FAM53B: variants seen among roughly 807,000 people sequenced by gnomAD.
The protein encoded by FAM53B is family with sequence similarity 53 member B.
A neutral mutation model predicts 32.7 loss-of-function variants in FAM53B; 12 were observed. The ratio of observed to expected loss-of-function variants is 0.37; its 90% CI spans 0.24 to 0.59. The LOEUF (loss-of-function observed/expected upper bound fraction) is 0.59, where lower values mean the gene tolerates loss of function less well. FAM53B is among the 20% of genes least tolerant of loss of function. The pLI, the probability that FAM53B is intolerant of heterozygous loss-of-function variation, is 0.72. For missense variants in FAM53B, 477 were observed against 577.7 expected (o/e 0.83, Z 1.79); for synonymous variants, 234 against 228.7 (o/e 1.02, Z -0.21).
At chr10:124,669,094 T>A (rs913907818) in intron 4 of FAM53B, among the ~76,000 whole-genome samples, 3 of 151,408 alleles carry the variant, frequency 2.0e-5, no homozygotes, top group Non-Finnish European at 4.4e-5. Context: ...TTTTGGGGGG[T>A]GTAGGGGGTA....
At chr10:124,719,885 G>A (rs1251150839) in intron 1 of FAM53B, among the ~76,000 whole-genome samples, 3 of 152,284 alleles carry the variant, frequency 2.0e-5, no homozygotes, top group Middle Eastern at 3.4e-3. Context: ...CAACACGGCC[G>A]GGCACAGTGG....
At chr10:124,730,235 GA>G (rs2134100993) in intron 1 of FAM53B, among the ~76,000 whole-genome samples, 1 of 152,310 alleles carries the variant, frequency 6.6e-6, no homozygotes, top group African/African-American at 2.4e-5. Flanking sequence ...AAATGGCCCA[GA>G]ACAGAACAGG....
intron 4 of FAM53B, among the ~76,000 whole-genome samples, chr10:124,661,372 C>G (rs759385169): frequency 2.6e-5 from 4 of 152,162 alleles, no homozygotes; most frequent in Non-Finnish European, 4.4e-5. Flanking sequence ...TGAGAGAGGC[C>G]CAGGAGCAGA....
At chr10:124,732,901 T>C (rs574476177) in intron 1 of FAM53B, among the ~76,000 whole-genome samples, 8 of 152,216 alleles carry the variant, frequency 5.3e-5, no homozygotes, top group Admixed American at 4.6e-4. Flanking sequence ...TCACGTACTC[T>C]CCTGAGCCCA....
At chr10:124,648,025 G>C (rs992892632) in intron 4 of FAM53B, among the ~76,000 whole-genome samples, 1 of 152,204 alleles carries the variant, frequency 6.6e-6, no homozygotes, top group Non-Finnish European at 1.5e-5. Context: ...GACGCCATGG[G>C]GCTGGCTGAG....
At chr10:124,717,837 G>C (rs1254377008) in intron 1 of FAM53B, among the ~76,000 whole-genome samples, 3 of 152,146 alleles carry the variant, frequency 2.0e-5, no homozygotes, top group Non-Finnish European at 4.4e-5. Context: ...TCATCTTCTA[G>C]GACAACTCTC....
chr10:124,649,524 C>T (rs7075794), intron 4 of FAM53B, among the ~76,000 whole-genome samples: 82,130 of 152,098 alleles, frequency 0.54, 22,970 homozygotes, highest in Non-Finnish European at 0.62. Context: ...TGCCCTCCGT[C>T]GCATAACACA....
intron 4 of FAM53B, among the ~76,000 whole-genome samples, chr10:124,672,681 C>A (rs1328001015): frequency 6.6e-6 from 1 of 152,208 alleles, no homozygotes; most frequent in African/African-American, 2.4e-5. Flanking sequence ...GAATGCGCAG[C>A]CACTTTCAAA....
chr10:124,637,816 G>A (rs896740672), intron 4 of FAM53B, among the ~76,000 whole-genome samples: 11 of 152,064 alleles, frequency 7.2e-5, no homozygotes, highest in African/African-American at 1.4e-4. Context: ...TCTCTCTCCC[G>A]AAAGACTCTT....
intron 4 of FAM53B, among the ~76,000 whole-genome samples, chr10:124,660,846 G>A (rs367937930): frequency 4.6e-5 from 7 of 152,110 alleles, no homozygotes; most frequent in African/African-American, 9.7e-5. Context: ...CAACCCTGCC[G>A]TTGTAGCATG....
chr10:124,730,911 T>C (rs2134101421), intron 1 of FAM53B, among the ~76,000 whole-genome samples: 1 of 152,348 alleles, frequency 6.6e-6, no homozygotes, highest in African/African-American at 2.4e-5. Context: ...CCCTGTGGTC[T>C]ATAAATTCTG....
chr10:124,703,008 G>A (rs996886942), intron 2 of FAM53B, among the ~76,000 whole-genome samples: 1 of 152,094 alleles, frequency 6.6e-6, no homozygotes, highest in Non-Finnish European at 1.5e-5. Flanking sequence ...ATGACTGGAA[G>A]CTTCGTGAGG....
intron 1 of FAM53B, among the ~76,000 whole-genome samples, chr10:124,731,376 G>C (rs1216443016): frequency 1.3e-5 from 2 of 152,132 alleles, no homozygotes; most frequent in African/African-American, 4.8e-5. Flanking sequence ...CTGAACCGAA[G>C]TCAAAAGCCA....
intron 4 of FAM53B, among the ~76,000 whole-genome samples, chr10:124,646,898 A>G (rs1037590498): frequency 3.3e-5 from 5 of 151,774 alleles, no homozygotes; most frequent in African/African-American, 1.2e-4. Context: ...ATGGGTGTCG[A>G]CCTCTCCAGG....
chr10:124,723,681 G>A (rs1373280387), intron 1 of FAM53B, among the ~76,000 whole-genome samples: 7 of 152,210 alleles, frequency 4.6e-5, no homozygotes, highest in Non-Finnish European at 7.3e-5. Flanking sequence ...AGGGCCTGAT[G>A]TGAGGCGGGC....
chr10:124,635,652 G>A (rs1341482372), intron 4 of FAM53B, among the ~76,000 whole-genome samples: 1 of 152,182 alleles, frequency 6.6e-6, no homozygotes, highest in Non-Finnish European at 1.5e-5. Flanking sequence ...CATCCTCCAA[G>A]AGGCCAAAGG....
At chr10:124,626,392 C>A (rs993824810) in intron 4 of FAM53B, among the ~76,000 whole-genome samples, 1 of 141,848 alleles carries the variant, frequency 7.0e-6, no homozygotes, top group Non-Finnish European at 1.6e-5. Flanking sequence ...ATTTGTGCCC[C>A]CCCCCCCCCC....
In FAM53B at chr10:124,619,361, G is replaced by A. The variant is rs373390440; in HGVS notation, c.*3881C>T. ...AAGCAAATTCCTGAGAGACTAGAGC[G>A]GCTGGAGTGCAAGCCACAGCCTGTG... On this transcript the variant is annotated 3_prime_UTR_variant, in exon 5 of 5. Transcript: ENST00000337318. The A allele has an allele frequency of 2.0e-5, 3 of 152,708 alleles. No individual in the cohort carries two copies. Among genetic ancestry groups the A allele is most frequent in the East Asian group, 1.9e-4 (1 of 5,182 alleles). 9.5% of individuals were successfully genotyped at this position (152,708 alleles called of 1,614,324 possible).
At chr10:124,698,511 T>G (rs1949890682) in intron 2 of FAM53B, among the ~76,000 whole-genome samples, 1 of 152,156 alleles carries the variant, frequency 6.6e-6, no homozygotes, top group Admixed American at 6.5e-5. Flanking sequence ...TGCTGGGGTC[T>G]GTCTGCCCAC....
Sources: gnomAD v4.1 joint callset for allele counts (sites outside exome capture counted in the v4.1 genomes callset) on GRCh38, gnomAD v4.1.1 for gene constraint, MANE v1.5 for transcripts, NCBI Gene and HGNC (gene_info 2026-07-23, HGNC 2026-07-21) for gene names.